Variants in STMN2 observed in about 807,000 individuals in gnomAD.
STMN2 encodes stathmin-2.
A neutral mutation model predicts 24.1 loss-of-function variants in STMN2; 2 were observed. The ratio of observed to expected loss-of-function variants is 0.08; its 90% CI spans 0.03 to 0.26. STMN2 has a LOEUF of 0.26. Among genes scored for constraint, STMN2 ranks in the 10% least tolerant of loss-of-function variants. The pLI, the probability that STMN2 is intolerant of heterozygous loss-of-function variation, is 1.00. For synonymous variants in STMN2, 83 were observed against 77.5 expected (o/e 1.07, Z -0.37); for missense variants, 114 against 213.6 (o/e 0.53, Z 2.91).
intron 2 of STMN2, 92 bp downstream of exon 2, chr8:79,636,989 A>G (rs1465663125): frequency 4.2e-6 from 5 of 1,180,432 alleles, no homozygotes; most frequent in African/African-American, 3.1e-5. Context: ...ATATAATTAC[A>G]TCAATATTTT....
In STMN2 at chr8:79,641,628, G is replaced by A. The variant is rs758086558; in HGVS notation, c.288+78G>A. 4,101 of 430,794 alleles carry A rather than the reference G, an allele frequency of 9.5e-3. 10 individuals carry two copies. The highest frequency in any genetic ancestry group is 0.014 in the Middle Eastern group (19 of 1,386). 26.7% of individuals were successfully genotyped at this position (430,794 alleles called of 1,614,324 possible). ...CTCACACACTCGGGCACACATGCAC[G>A]CACACACACACACACACACACACAC... is the stretch of plus-strand genomic sequence containing the variant. On this transcript the variant is annotated intron_variant, in intron 3 of 4. Transcript: ENST00000220876.
intron 4 of STMN2, chr8:79,663,541 T>G: frequency 2.0e-3 from 2,657 of 1,348,704 alleles, no homozygotes; most frequent in Non-Finnish European, 2.4e-3. Flanking sequence ...GTAGACTCCT[T>G]GAGATTAATA....
At chr8:79,664,777 G>C in intron 4 of STMN2, 38 bp from the exon 5 acceptor site, 1 of 1,606,780 alleles carries the variant, frequency 6.2e-7, no homozygotes, top group Non-Finnish European at 8.5e-7. Flanking sequence ...CAGACAAAAA[G>C]GGCCTGTGAC....
At chr8:79,627,982 T>C (rs1809699970) in intron 1 of STMN2, among the ~76,000 whole-genome samples, 1 of 152,170 alleles carries the variant, frequency 6.6e-6, no homozygotes, top group Admixed American at 6.5e-5. Context: ...TGTAGCACAT[T>C]TTCTTTATTA....
At chr8:79,656,884 G>GTTTTTTTTTTTTTTTTTTTTT (rs71266026) in intron 4 of STMN2, among the ~76,000 whole-genome samples, 4 of 150,206 alleles carry the variant, frequency 2.7e-5, no homozygotes, top group African/African-American at 2.4e-5. Flanking sequence ...TTGTTTGTTT[G>GTTTTTTTTTTTTTTTTTTTTT]TTTTTTTGAG....
chr8:79,615,701 G>A (rs1201580715), intron 1 of STMN2, among the ~76,000 whole-genome samples: 3 of 152,132 alleles, frequency 2.0e-5, no homozygotes, highest in Non-Finnish European at 4.4e-5. Flanking sequence ...TCTTTTACCA[G>A]GAACATTCAA....
intron 3 of STMN2, 90 bp downstream of exon 3, chr8:79,641,640 A>G (rs983349757): frequency 3.7e-4 from 189 of 514,312 alleles, no homozygotes; most frequent in African/African-American, 2.3e-3. Flanking sequence ...ACACACACAC[A>G]CACACACACA....
intron 3 of STMN2, among the ~76,000 whole-genome samples, chr8:79,645,009 G>A (rs955259709): frequency 2.3e-4 from 35 of 152,044 alleles, no homozygotes; most frequent in African/African-American, 3.9e-4. Flanking sequence ...ACAAAAATTC[G>A]CAGGGCATAG....
At chr8:79,617,154 A>G (rs1809400215) in intron 1 of STMN2, among the ~76,000 whole-genome samples, 1 of 152,190 alleles carries the variant, frequency 6.6e-6, no homozygotes. Flanking sequence ...TGTATATTTG[A>G]AAAGAGTGTT....
chr8:79,617,774 C>G (rs571515234), intron 1 of STMN2, among the ~76,000 whole-genome samples: 1 of 152,336 alleles, frequency 6.6e-6, no homozygotes, highest in South Asian at 2.1e-4. Flanking sequence ...TTTCTTTCAA[C>G]TGTTTTTCTG....
intron 1 of STMN2, among the ~76,000 whole-genome samples, chr8:79,626,432 CA>C (rs1231209913): frequency 6.6e-6 from 1 of 152,188 alleles, no homozygotes; most frequent in East Asian, 1.9e-4. Context: ...CCAGTAGTTC[CA>C]TTTTCAAACT....
intron 1 of STMN2, among the ~76,000 whole-genome samples, chr8:79,611,574 CT>C (rs3079991): frequency 0.35 from 52,284 of 148,052 alleles, 9,108 homozygotes; most frequent in South Asian, 0.42. Context: ...TTATAACGAC[CT>C]TTTTTTTTTT....
At chr8:79,639,942 C>G (rs897131309) in intron 2 of STMN2, among the ~76,000 whole-genome samples, 11 of 152,310 alleles carry the variant, frequency 7.2e-5, no homozygotes, top group Admixed American at 5.9e-4. Flanking sequence ...TGGCTCACGC[C>G]TATAATCCCA....
intron 1 of STMN2, among the ~76,000 whole-genome samples, chr8:79,634,055 C>A (rs1292248015): frequency 2.6e-5 from 4 of 152,112 alleles, no homozygotes; most frequent in African/African-American, 7.2e-5. Context: ...TTTGGATTGA[C>A]CCTTCTTAAT....
intron 3 of STMN2, among the ~76,000 whole-genome samples, chr8:79,653,237 T>C (rs1331420539): frequency 6.6e-6 from 1 of 151,778 alleles, no homozygotes; most frequent in Admixed American, 6.6e-5. Context: ...ATTAGCAGGG[T>C]GTGGTAGCAC....
chr8:79,638,564 T>G (rs1463655585), intron 2 of STMN2, among the ~76,000 whole-genome samples: 2 of 152,220 alleles, frequency 1.3e-5, no homozygotes, highest in Non-Finnish European at 2.9e-5. Context: ...GTGACTTGTT[T>G]ATTGCAGGCA....
At chr8:79,611,697 G>C in intron 1 of STMN2, 1 of 909,250 alleles carries the variant, frequency 1.1e-6, no homozygotes, top group Non-Finnish European at 1.3e-6. Flanking sequence ...TTGAAAGATG[G>C]GTGGAGACGG....
At chr8:79,642,726 C>T (rs73256027) in intron 3 of STMN2, among the ~76,000 whole-genome samples, 2,341 of 151,700 alleles carry the variant, frequency 0.015, 60 homozygotes, top group African/African-American at 0.053. Context: ...AATAATGAGG[C>T]TCAAACATTA....
intron 3 of STMN2, among the ~76,000 whole-genome samples, chr8:79,654,261 C>T (rs1171039434): frequency 6.7e-6 from 1 of 150,266 alleles, no homozygotes; most frequent in Non-Finnish European, 1.5e-5. Flanking sequence ...AAGAGAGGGT[C>T]AAAACAAGGA....
Sources: allele counts gnomAD v4.1 joint callset (sites outside exome capture counted in the v4.1 genomes callset), GRCh38; gene constraint gnomAD v4.1.1; transcripts MANE v1.5; gene names NCBI Gene and HGNC (gene_info 2026-07-23, HGNC 2026-07-21).